EYA2: variants seen among roughly 807,000 people sequenced by gnomAD.
The protein encoded by EYA2 is protein phosphatase EYA2.
Under a neutral mutation model 69.2 loss-of-function variants are expected in EYA2, and 31 were observed. That is an observed-to-expected ratio of 0.45 (90% CI 0.34 to 0.60). The LOEUF (loss-of-function observed/expected upper bound fraction) is 0.60. Ranked by LOEUF, EYA2 falls within the 20% of genes least tolerant of loss-of-function variation. The probability of loss-of-function intolerance (pLI) is 0.02; values close to 1 mark genes in which losing one functional copy is unlikely to be tolerated. For missense variants in EYA2, 622 were observed against 701.2 expected (o/e 0.89, Z 1.28); for synonymous variants, 257 against 279.4 (o/e 0.92, Z 0.80).
At chr20:47,035,961 T>G (rs533793658) in intron 5 of EYA2, among the ~76,000 whole-genome samples, 1 of 152,090 alleles carries the variant, frequency 6.6e-6, no homozygotes, top group South Asian at 2.1e-4. Context: ...CAGTGAGCTG[T>G]GATTGTGCCA....
intron 2 of EYA2, among the ~76,000 whole-genome samples, chr20:46,994,436 A>G (rs892928555): frequency 2.0e-5 from 3 of 152,152 alleles, no homozygotes; most frequent in African/African-American, 4.8e-5. Context: ...TCAGAAACTG[A>G]TGCTCTAATC....
chr20:47,103,975 C>T (rs2032503971), intron 9 of EYA2, among the ~76,000 whole-genome samples: 1 of 152,136 alleles, frequency 6.6e-6, no homozygotes, highest in South Asian at 2.1e-4. Flanking sequence ...AATTGCTGGG[C>T]CACATGGTAA....
intron 5 of EYA2, among the ~76,000 whole-genome samples, chr20:47,041,442 G>A (rs892054047): frequency 1.3e-5 from 2 of 152,216 alleles, no homozygotes; most frequent in Admixed American, 6.5e-5. Flanking sequence ...GAGATAGTCT[G>A]TGCACGACTA....
At chr20:47,154,341 C>CTAATTAAGGAAGTAATTAAGTAATTA (rs2033879364) in intron 10 of EYA2, among the ~76,000 whole-genome samples, 5 of 152,020 alleles carry the variant, frequency 3.3e-5, no homozygotes, top group Non-Finnish European at 5.9e-5. Context: ...CCTTAGAGGC[C>CTAATTAAGGAAGTAATTAAGTAATTA]CTACCTCTAA....
chr20:47,173,887 A>G lies in EYA2; in HGVS notation c.1198+1020A>G, dbSNP rs188720463. ...CTGCAGCCTGGACATCAGGAGTCAT[A>G]AAGATCCCTGGGGAATTCTAAGTGC... On this transcript the variant is annotated intron_variant, in intron 12 of 15. Transcript: ENST00000327619. 3.3e-3 allele frequency among the ~76,000 whole-genome samples: 508 copies of G among 152,312 alleles called. 4 individuals are homozygous for G. Among genetic ancestry groups the G allele is most frequent in the African/African-American group, 0.012 (483 of 41,568 alleles).
chr20:46,911,261 G>C (rs950534556), intron 1 of EYA2, among the ~76,000 whole-genome samples: 4 of 150,082 alleles, frequency 2.7e-5, no homozygotes, highest in Non-Finnish European at 5.9e-5. Context: ...GTGTGTGTGT[G>C]TCCACTCTGT....
chr20:46,942,908 G>A (rs1259411410), intron 1 of EYA2, among the ~76,000 whole-genome samples: 1 of 152,234 alleles, frequency 6.6e-6, no homozygotes, highest in African/African-American at 2.4e-5. Context: ...TAGGATTACA[G>A]ACACGTGCTA....
At chr20:47,073,666 C>T (rs539127825) in intron 6 of EYA2, among the ~76,000 whole-genome samples, 1 of 152,182 alleles carries the variant, frequency 6.6e-6, no homozygotes, top group South Asian at 2.1e-4. Context: ...GGCCTGTGGA[C>T]CTCCAGGTGC....
chr20:47,116,263 C>T (rs184775611), intron 9 of EYA2, among the ~76,000 whole-genome samples: 4 of 150,780 alleles, frequency 2.7e-5, no homozygotes, highest in African/African-American at 4.9e-5. Context: ...CTGCAACCTC[C>T]GCCTGGCTAG....
intron 1 of EYA2, among the ~76,000 whole-genome samples, chr20:46,977,936 ACTGG>A (rs1980559630): frequency 6.6e-6 from 1 of 152,158 alleles, no homozygotes; most frequent in South Asian, 2.1e-4. Flanking sequence ...CCTGAATTTC[ACTGG>A]CTGGACCCAC....
At chr20:46,996,942 C>CT (rs912951428) in intron 2 of EYA2, among the ~76,000 whole-genome samples, 5 of 151,804 alleles carry the variant, frequency 3.3e-5, no homozygotes, top group Non-Finnish European at 5.9e-5. Flanking sequence ...TAGAGGTGGT[C>CT]TGAATATACG....
intron 4 of EYA2, among the ~76,000 whole-genome samples, chr20:47,005,648 G>A (rs1982658368): frequency 6.6e-6 from 1 of 152,254 alleles, no homozygotes; most frequent in African/African-American, 2.4e-5. Flanking sequence ...TAAGGAAGCT[G>A]AAGCCTATGG....
Position 47,063,702 on chromosome 20 carries a change from C to T in EYA2, c.416-8483C>T, listed in dbSNP as rs890757554. On this transcript the variant is annotated intron_variant, in intron 5 of 15. Transcript: ENST00000327619. ...TTCAGCCTCTGGTCCTTCCTTGCAACCAGACTGGCCGTGGGCCAAGTCTTC... is the reference window on the plus strand; with the variant it reads ...TTCAGCCTCTGGTCCTTCCTTGCAATCAGACTGGCCGTGGGCCAAGTCTTC... Among the ~76,000 whole-genome samples, 5 of 152,280 alleles carry T rather than the reference C, an allele frequency of 3.3e-5. No homozygotes were observed. In the South Asian group the frequency reaches 1.0e-3, roughly 32 times the overall value.
chr20:46,900,881 C>A (rs1237553251), intron 1 of EYA2, among the ~76,000 whole-genome samples: 3 of 152,172 alleles, frequency 2.0e-5, no homozygotes, highest in African/African-American at 7.2e-5. Flanking sequence ...AAGCTTTTTA[C>A]AGGCTGCTAT....
intron 5 of EYA2, among the ~76,000 whole-genome samples, chr20:47,055,621 T>C (rs1386936291): frequency 6.6e-6 from 1 of 152,184 alleles, no homozygotes; most frequent in Non-Finnish European, 1.5e-5. Flanking sequence ...TCGCTCTTGC[T>C]TCTTTCAGAT....
At chr20:46,999,775 C>G (rs1313116935) in intron 2 of EYA2, among the ~76,000 whole-genome samples, 2 of 152,210 alleles carry the variant, frequency 1.3e-5, no homozygotes, top group Non-Finnish European at 2.9e-5. Flanking sequence ...CTTTTGGGTT[C>G]AAGTCCCAGT....
intron 7 of EYA2, among the ~76,000 whole-genome samples, chr20:47,077,995 A>T (rs1474334549): frequency 6.6e-6 from 1 of 152,228 alleles, no homozygotes; most frequent in Non-Finnish European, 1.5e-5. Flanking sequence ...CTATAATTCA[A>T]TGGTGAACTG....
intron 11 of EYA2, among the ~76,000 whole-genome samples, chr20:47,170,765 T>C (rs1215256654): frequency 6.6e-6 from 1 of 152,130 alleles, no homozygotes; most frequent in Non-Finnish European, 1.5e-5. Flanking sequence ...CATCCAAAAT[T>C]ACCACAATTC....
At chr20:47,158,299 T>C (rs1218593508) in intron 10 of EYA2, among the ~76,000 whole-genome samples, 1 of 151,984 alleles carries the variant, frequency 6.6e-6, no homozygotes, top group African/African-American at 2.4e-5. Flanking sequence ...TGGGATTACC[T>C]GAGGTCAGGA....
Sources: gnomAD v4.1 joint callset for allele counts (sites outside exome capture counted in the v4.1 genomes callset) on GRCh38, gnomAD v4.1.1 for gene constraint, MANE v1.5 for transcripts, NCBI Gene and HGNC (gene_info 2026-07-23, HGNC 2026-07-21) for gene names.